The following THSD7B variants were observed in gnomAD, a reference collection of about 807,000 sequenced individuals.
THSD7B encodes the protein thrombospondin type 1 domain containing 7B, also known as thrombospondin type-1 domain-containing protein 7B.
A neutral mutation model predicts 213.6 loss-of-function variants in THSD7B; 138 were observed. The observed-to-expected ratio is 0.65, with a 90% CI of 0.56 to 0.74. The LOEUF is 0.74. Among genes scored for constraint, THSD7B ranks in the 30% least tolerant of loss-of-function variants. The probability of loss-of-function intolerance (pLI) is 0.00; values close to 1 mark genes in which losing one functional copy is unlikely to be tolerated. For synonymous variants in THSD7B, 742 were observed against 687.0 expected, an observed-to-expected ratio of 1.08 and a Z score of -1.25; for missense variants, 1,931 against 1,991.5, an observed-to-expected ratio of 0.97 and a Z score of 0.58.
At position 137,598,041 on chromosome 2, in the gene THSD7B, C is replaced by G. The variant is rs1681996336; in HGVS notation, c.3424-18134C>G. 2.0e-5 allele frequency among the ~76,000 whole-genome samples: 3 copies of G among 152,102 alleles called. No homozygotes were observed. In the South Asian group the frequency reaches 6.2e-4, roughly 32 times the overall value. On this transcript the variant is annotated intron_variant, in intron 17 of 27. Transcript: ENST00000409968. Reference sequence around the variant, plus strand: ...CTCCTACTTCTCTTGCTCCCTCACTCTATCTCATTCCTGTTCCTGTCTCCC... The same window carrying G: ...CTCCTACTTCTCTTGCTCCCTCACTGTATCTCATTCCTGTTCCTGTCTCCC...
At chr2:137,131,840 T>G (rs1469879125) in intron 5 of THSD7B, among the ~76,000 whole-genome samples, 1 of 152,212 alleles carries the variant, frequency 6.6e-6, no homozygotes, top group Non-Finnish European at 1.5e-5. Flanking sequence ...CTCTTTTGAC[T>G]TAGGATTGAC....
At chr2:137,333,037 C>T (rs2123613) in intron 12 of THSD7B, among the ~76,000 whole-genome samples, 88,986 of 151,704 alleles carry the variant, frequency 0.59, 28,075 homozygotes, top group East Asian at 0.78. Flanking sequence ...TGTGTGGATC[C>T]GAGAACGAAG....
chr2:137,107,190 T>A lies in THSD7B; in HGVS notation c.1200-7934T>A, dbSNP rs1021907960. On this transcript the variant is annotated intron_variant, in intron 4 of 27. Transcript: ENST00000409968. ...AACAAAATGTAGCACATATACAACA[T>A]GGAATACTATGCAGCCATAAAAAAG... Among the ~76,000 whole-genome samples the A allele has an allele frequency of 2.6e-5, 4 of 152,180 alleles. No individual in the cohort carries two copies. In the East Asian group the frequency reaches 7.7e-4, roughly 29 times the overall value.
chr2:137,373,591 G>A (rs1034886607), intron 12 of THSD7B, among the ~76,000 whole-genome samples: 3 of 152,126 alleles, frequency 2.0e-5, no homozygotes, highest in Non-Finnish European at 2.9e-5. Context: ...GTAGATTCTG[G>A]ATATTAGCCC....
chr2:137,028,950 C>A (rs1686606864), intron 2 of THSD7B, among the ~76,000 whole-genome samples: 1 of 151,762 alleles, frequency 6.6e-6, no homozygotes, highest in South Asian at 2.1e-4. Context: ...AAAGAAAACC[C>A]CTGTTAATAT....
At chr2:136,872,978 G>A (rs181371958) in intron 1 of THSD7B, among the ~76,000 whole-genome samples, 290 of 128,002 alleles carry the variant, frequency 2.3e-3, no homozygotes, top group African/African-American at 7.0e-3. Flanking sequence ...AGCCGAGATC[G>A]CGCCACTGCA....
chr2:137,629,678 G>C (rs1682703312), intron 20 of THSD7B, among the ~76,000 whole-genome samples: 1 of 152,142 alleles, frequency 6.6e-6, no homozygotes, highest in African/African-American at 2.4e-5. Flanking sequence ...GAAGGACTAG[G>C]GAAGGAATGT....
chr2:137,515,718 A>T (rs1307406562), intron 15 of THSD7B, among the ~76,000 whole-genome samples: 1 of 150,460 alleles, frequency 6.6e-6, no homozygotes, highest in African/African-American at 2.5e-5. Flanking sequence ...AGTTTCTAAT[A>T]ATTTATTTCC....
intron 12 of THSD7B, among the ~76,000 whole-genome samples, chr2:137,277,646 A>G (rs1310453373): frequency 6.6e-6 from 1 of 152,158 alleles, no homozygotes; most frequent in Admixed American, 6.6e-5. Context: ...TCGGTAAACT[A>G]GGTCATAATA....
intron 2 of THSD7B, among the ~76,000 whole-genome samples, chr2:136,963,082 G>A (rs1685253505): frequency 6.6e-6 from 1 of 152,048 alleles, no homozygotes; most frequent in Non-Finnish European, 1.5e-5. Flanking sequence ...ATTTTTGTGT[G>A]GTTAAAAATT....
At chr2:137,373,180 C>T (rs1264594589) in intron 12 of THSD7B, among the ~76,000 whole-genome samples, 2 of 152,078 alleles carry the variant, frequency 1.3e-5, no homozygotes, top group African/African-American at 4.8e-5. Context: ...GTCTTTATAG[C>T]AGCATGATTT....
intron 24 of THSD7B, among the ~76,000 whole-genome samples, chr2:137,658,414 A>G (rs980976428): frequency 2.0e-5 from 3 of 152,212 alleles, no homozygotes; most frequent in African/African-American, 7.2e-5. Context: ...AGCTCAGGTC[A>G]TCAGTATCAT....
chr2:137,441,979 T>C (rs1231978694), intron 14 of THSD7B, among the ~76,000 whole-genome samples: 1 of 152,082 alleles, frequency 6.6e-6, no homozygotes, highest in African/African-American at 2.4e-5. Flanking sequence ...GTCACTTTCA[T>C]CATATATTAA....
At chr2:137,388,467 T>C (rs576841916) in intron 12 of THSD7B, among the ~76,000 whole-genome samples, 5 of 152,176 alleles carry the variant, frequency 3.3e-5, no homozygotes, top group Non-Finnish European at 7.4e-5. Context: ...GTGTAATGAT[T>C]GAGTCAGGGT....
intron 17 of THSD7B, among the ~76,000 whole-genome samples, chr2:137,602,372 C>T (rs1253395620): frequency 6.6e-6 from 1 of 152,012 alleles, no homozygotes; most frequent in African/African-American, 2.4e-5. Flanking sequence ...CAGATTCAAG[C>T]GATTCCCCTG....
At chr2:136,909,856 T>C (rs1684228434) in intron 2 of THSD7B, among the ~76,000 whole-genome samples, 1 of 152,200 alleles carries the variant, frequency 6.6e-6, no homozygotes, top group African/African-American at 2.4e-5. Context: ...TTTGCTATTG[T>C]TACTGTTTGG....
At chr2:136,987,263 A>T (rs945967259) in intron 2 of THSD7B, among the ~76,000 whole-genome samples, 1 of 152,210 alleles carries the variant, frequency 6.6e-6, no homozygotes, top group Non-Finnish European at 1.5e-5. Context: ...TGTGACTCCT[A>T]CCCAATGAAA....
At chr2:136,940,328 C>T (rs938418929) in intron 2 of THSD7B, among the ~76,000 whole-genome samples, 1 of 152,100 alleles carries the variant, frequency 6.6e-6, no homozygotes, top group Admixed American at 6.6e-5. Context: ...CATGCTGCTA[C>T]AAAAGACATA....
At chr2:137,333,817 A>G (rs916324428) in intron 12 of THSD7B, among the ~76,000 whole-genome samples, 2 of 152,186 alleles carry the variant, frequency 1.3e-5, no homozygotes, top group Admixed American at 6.5e-5. Flanking sequence ...TCCTAATGCT[A>G]CAGCAGCCAC....
Sources: gnomAD v4.1 joint callset for allele counts (sites outside exome capture counted in the v4.1 genomes callset) on GRCh38, gnomAD v4.1.1 for gene constraint, MANE v1.5 for transcripts, NCBI Gene and HGNC (gene_info 2026-07-23, HGNC 2026-07-21) for gene names.